GABRA3: variants seen among roughly 807,000 people sequenced by gnomAD.
The protein encoded by GABRA3 is gamma-aminobutyric acid type A receptor subunit alpha3.
Under a neutral mutation model 30.1 loss-of-function variants are expected in GABRA3, and 10 were observed. The ratio of observed to expected loss-of-function variants is 0.33; its 90% CI spans 0.20 to 0.56. The LOEUF (loss-of-function observed/expected upper bound fraction) is 0.56, where lower values mean the gene tolerates loss of function less well. Among genes scored for constraint, GABRA3 ranks in the 20% least tolerant of loss-of-function variants. GABRA3 has a pLI of 0.89. For synonymous variants in GABRA3, 151 were observed against 146.8 expected, an observed-to-expected ratio of 1.03 and a Z score of -0.21; for missense variants, 233 against 392.0, an observed-to-expected ratio of 0.59 and a Z score of 3.42.
At chrX:152,195,433 T>A (rs1312982722) in intron 8 of GABRA3, among the ~76,000 whole-genome samples, 2 of 112,103 alleles carry the variant, frequency 1.8e-5, no homozygotes, top group Non-Finnish European at 3.8e-5. Flanking sequence ...ATCAAAAATT[T>A]AGTTGCCTAA....
intron 6 of GABRA3, among the ~76,000 whole-genome samples, chrX:152,221,380 T>C (rs1937834997): frequency 8.9e-6 from 1 of 111,798 alleles, no homozygotes; most frequent in East Asian, 2.8e-4. Flanking sequence ...TCCATGAGTA[T>C]ATTTGTCTAC....
chrX:152,270,306 G>A (rs985541158), intron 4 of GABRA3, among the ~76,000 whole-genome samples: 3 of 111,350 alleles, frequency 2.7e-5, no homozygotes, highest in Non-Finnish European at 5.7e-5. Context: ...GAAGAAGGAC[G>A]TGTTTGCTTC....
chrX:152,338,551 T>C (rs1940267765), intron 3 of GABRA3, among the ~76,000 whole-genome samples: 1 of 112,007 alleles, frequency 8.9e-6, no homozygotes, highest in African/African-American at 3.2e-5. Flanking sequence ...TCCCATTTGT[T>C]TATTTTTGCT....
chrX:152,303,860 T>C (rs1279873259), intron 3 of GABRA3, among the ~76,000 whole-genome samples: 1 of 110,651 alleles, frequency 9.0e-6, no homozygotes, highest in African/African-American at 3.3e-5. Flanking sequence ...ACCTAACGCA[T>C]GTGGGGCTTA....
chrX:152,425,994 T>G (rs1464891660), intron 1 of GABRA3, among the ~76,000 whole-genome samples: 1 of 111,235 alleles, frequency 9.0e-6, no homozygotes, highest in African/African-American at 3.3e-5. Context: ...TTTCTTCCTA[T>G]GACTTCTTAT....
chrX:152,279,265 T>G (rs1466140212), intron 4 of GABRA3, among the ~76,000 whole-genome samples: 1 of 112,121 alleles, frequency 8.9e-6, no homozygotes, highest in Non-Finnish European at 1.9e-5. Flanking sequence ...AAGTCTTTAA[T>G]CCATCTTGAA....
chrX:152,344,236 A>C (rs1306018313), intron 3 of GABRA3, among the ~76,000 whole-genome samples: 2 of 112,088 alleles, frequency 1.8e-5, no homozygotes, highest in East Asian at 5.6e-4. Context: ...ATCAAAAGGA[A>C]ACAGAAGCCA....
rs183964378 is a variant in GABRA3 at position 152,450,681 on chromosome X, C to A, written c.-27+465G>T. ...CTTTCTTATTTCCAGCAGTGAGAAG[C>A]AGCTGCGGAGAAAGAGTTAAAGAAG... On this transcript the variant is annotated intron_variant, in intron 1 of 9. Coordinates refer to ENST00000370314, the MANE Select transcript of GABRA3 (RefSeq NM_000808.4). 2.7e-5 allele frequency among the ~76,000 whole-genome samples: 3 copies of A among 110,998 alleles called. No homozygotes were observed. In the East Asian group the frequency reaches 8.6e-4, roughly 32 times the overall value.
chrX:152,424,035 T>A (rs1044070237), intron 1 of GABRA3, among the ~76,000 whole-genome samples: 1 of 111,535 alleles, frequency 9.0e-6, no homozygotes, highest in South Asian at 3.8e-4. Flanking sequence ...AAGAACATGA[T>A]TCATAGGGAT....
At chrX:152,213,022 A>G (rs1937652446) in intron 6 of GABRA3, among the ~76,000 whole-genome samples, 1 of 111,365 alleles carries the variant, frequency 9.0e-6, no homozygotes. Flanking sequence ...TGACAATTAG[A>G]ACTTTTGCAC....
intron 5 of GABRA3, among the ~76,000 whole-genome samples, chrX:152,225,457 C>T (rs953655128): frequency 1.0e-5 from 1 of 98,177 alleles, no homozygotes; most frequent in African/African-American, 3.7e-5. Flanking sequence ...CACACACACA[C>T]GAAAACTGAC....
intron 3 of GABRA3, among the ~76,000 whole-genome samples, chrX:152,287,563 T>A (rs1382217219): frequency 9.0e-6 from 1 of 111,515 alleles, no homozygotes; most frequent in African/African-American, 3.3e-5. Context: ...CATGCAAAAC[T>A]GTGAGACAAT....
At chrX:152,286,260 C>T in intron 3 of GABRA3, among the ~76,000 whole-genome samples, 1 of 106,519 alleles carries the variant, frequency 9.4e-6, no homozygotes. Context: ...TCTTTTCCTG[C>T]TTCTGTCAGC....
chrX:152,199,373 A>T (rs1019233234), intron 7 of GABRA3, among the ~76,000 whole-genome samples: 10 of 108,776 alleles, frequency 9.2e-5, no homozygotes, highest in African/African-American at 1.7e-4. Context: ...TCAAAAAAAA[A>T]AAAATAAAAA....
chrX:152,386,200 C>T (rs1429712513), intron 1 of GABRA3, among the ~76,000 whole-genome samples: 4 of 107,788 alleles, frequency 3.7e-5, no homozygotes, highest in African/African-American at 6.8e-5. Context: ...GCCATTTTCA[C>T]GATATTGATT....
At chrX:152,224,253 C>T (rs747318103) in intron 6 of GABRA3, among the ~76,000 whole-genome samples, 1 of 111,931 alleles carries the variant, frequency 8.9e-6, no homozygotes, top group East Asian at 2.8e-4. Flanking sequence ...ACTACTTTTT[C>T]TGTAAAATGT....
intron 6 of GABRA3, among the ~76,000 whole-genome samples, chrX:152,214,507 G>C (rs1027121822): frequency 3.6e-5 from 4 of 111,316 alleles, no homozygotes; most frequent in African/African-American, 6.5e-5. Flanking sequence ...AAGTCAGGTA[G>C]TGTGATGTCC....
intron 9 of GABRA3, among the ~76,000 whole-genome samples, chrX:152,169,246 T>A (rs971386819): frequency 8.9e-5 from 10 of 112,551 alleles, no homozygotes; most frequent in African/African-American, 3.2e-4. Context: ...CCATGGCATG[T>A]TGACATGCAT....
intron 4 of GABRA3, among the ~76,000 whole-genome samples, chrX:152,270,164 C>T (rs145673062): frequency 5.3e-4 from 59 of 111,628 alleles, no homozygotes; most frequent in African/African-American, 1.8e-3. Flanking sequence ...CCCCATGTGT[C>T]GTGGGAGGTA....
Sources: gnomAD v4.1 joint callset for allele counts (sites outside exome capture counted in the v4.1 genomes callset) on GRCh38, gnomAD v4.1.1 for gene constraint, MANE v1.5 for transcripts, NCBI Gene and HGNC (gene_info 2026-07-23, HGNC 2026-07-21) for gene names.